Variants in CDKAL1 observed in about 807,000 individuals in gnomAD.
The protein encoded by CDKAL1 is CDKAL1 threonylcarbamoyladenosine tRNA methylthiotransferase.
In CDKAL1, 32 loss-of-function variants were observed where a neutral mutation model predicts 68.2. That is an observed-to-expected ratio of 0.47 (90% CI 0.35 to 0.63). The LOEUF is 0.63. Ranked by LOEUF, CDKAL1 falls within the 30% of genes least tolerant of loss-of-function variation. CDKAL1 has a pLI of 0.00. For missense variants in CDKAL1, 606 were observed against 696.7 expected (o/e 0.87, Z 1.47); for synonymous variants, 234 against 244.3 (o/e 0.96, Z 0.39).
chr6:21,127,850 T>C (rs1775098158), intron 13 of CDKAL1, among the ~76,000 whole-genome samples: 3 of 152,210 alleles, frequency 2.0e-5, no homozygotes, highest in Non-Finnish European at 4.4e-5. Context: ...AAACTGGCTT[T>C]ACTAAATATT....
intron 5 of CDKAL1, among the ~76,000 whole-genome samples, chr6:20,680,179 G>A (rs535834381): frequency 3.3e-5 from 5 of 152,106 alleles, no homozygotes; most frequent in African/African-American, 9.6e-5. Context: ...TGTTTCTTGT[G>A]CCTCAGCCTC....
intron 8 of CDKAL1, among the ~76,000 whole-genome samples, chr6:20,797,019 A>G (rs893077622): frequency 3.9e-5 from 6 of 152,224 alleles, no homozygotes; most frequent in Admixed American, 3.9e-4. Context: ...CTATAAAAGG[A>G]TAAAAGATGG....
intron 13 of CDKAL1, among the ~76,000 whole-genome samples, chr6:21,111,214 T>C (rs534512651): frequency 2.0e-5 from 3 of 152,332 alleles, no homozygotes; most frequent in Admixed American, 2.0e-4. Context: ...CTATATTCAT[T>C]TTAATGTTCA....
chr6:20,941,382 G>C (rs1017959806), intron 9 of CDKAL1, among the ~76,000 whole-genome samples: 2 of 152,090 alleles, frequency 1.3e-5, no homozygotes, highest in African/African-American at 4.8e-5. Flanking sequence ...TTATGTTGGA[G>C]TTCCTTCTTG....
Position 20,894,659 on chromosome 6 carries a change from T to C in CDKAL1, c.742+48481T>C, listed in dbSNP as rs1026489939. Among the ~76,000 whole-genome samples, 4 of 152,182 alleles carry C rather than the reference T, an allele frequency of 2.6e-5. No individual in the cohort carries two copies. The East Asian group carries it at 7.7e-4, about 29-fold the overall frequency. On this transcript the variant is annotated intron_variant, in intron 9 of 15. Coordinates refer to ENST00000274695, the MANE Select transcript of CDKAL1 (RefSeq NM_017774.3). Reference sequence around the variant, plus strand: ...ACAACTGCCCCCATTATAGAGATAATGGTTAATTTCTCCTCTAAGTTATAC... The same window carrying C: ...ACAACTGCCCCCATTATAGAGATAACGGTTAATTTCTCCTCTAAGTTATAC...
intron 4 of CDKAL1, among the ~76,000 whole-genome samples, chr6:20,612,598 A>G (rs1306733014): frequency 6.7e-6 from 1 of 149,016 alleles, no homozygotes; most frequent in Non-Finnish European, 1.5e-5. Context: ...TCTTAATTAG[A>G]TTTTTTTTTT....
intron 13 of CDKAL1, among the ~76,000 whole-genome samples, chr6:21,134,240 C>T (rs1054459848): frequency 4.6e-5 from 7 of 152,076 alleles, no homozygotes; most frequent in Non-Finnish European, 7.4e-5. Flanking sequence ...AGCTCAAATT[C>T]GGTTTTAGAA....
At chr6:21,130,132 C>T (rs1775227111) in intron 13 of CDKAL1, among the ~76,000 whole-genome samples, 1 of 151,202 alleles carries the variant, frequency 6.6e-6, no homozygotes, top group Admixed American at 6.6e-5. Context: ...TTAATGTTTG[C>T]ATTTCACAGA....
At chr6:20,628,204 G>C (rs533037861) in intron 4 of CDKAL1, among the ~76,000 whole-genome samples, 2 of 152,238 alleles carry the variant, frequency 1.3e-5, no homozygotes, top group South Asian at 4.1e-4. Context: ...GTCTTTCAAT[G>C]AGTAAGTCTG....
In CDKAL1 at chr6:21,194,699, T is replaced by C. The variant is rs1394633884; in HGVS notation, c.1300-3322T>C. 2.0e-5 allele frequency among the ~76,000 whole-genome samples: 3 copies of C among 152,152 alleles called. No homozygotes were observed. The East Asian group carries it at 5.8e-4, about 29-fold the overall frequency. ...TGGGAGAGACAGCATCTAGAAAGTG[T>C]AGGGGAAGTGGCTCATTTTAAAAAG... On this transcript the variant is annotated intron_variant, in intron 13 of 15. Transcript: ENST00000274695.
chr6:20,653,140 C>T (rs1043791934), intron 5 of CDKAL1, among the ~76,000 whole-genome samples: 3 of 152,030 alleles, frequency 2.0e-5, no homozygotes, highest in Admixed American at 2.0e-4. Context: ...TTGAATTTTT[C>T]CCAGTGTTTT....
In CDKAL1 at chr6:20,640,967, C is replaced by T. The variant is rs146535481; in HGVS notation, c.287-8326C>T. 4.9e-3 allele frequency among the ~76,000 whole-genome samples: 748 copies of T among 152,168 alleles called. 5 individuals carry two copies. Among genetic ancestry groups the T allele is most frequent in the African/African-American group, 0.017 (699 of 41,520 alleles). On this transcript the variant is annotated intron_variant, in intron 4 of 15. Coordinates refer to ENST00000274695, the MANE Select transcript of CDKAL1 (RefSeq NM_017774.3). ...GGTACTCAATAATGTTAGCTATTAT[C>T]GTTATTACTAATCAGATTTTTATTA... is the stretch of plus-strand genomic sequence containing the variant.
At chr6:20,647,649 A>G (rs1768540107) in intron 4 of CDKAL1, among the ~76,000 whole-genome samples, 1 of 152,212 alleles carries the variant, frequency 6.6e-6, no homozygotes, top group Admixed American at 6.5e-5. Flanking sequence ...GATCAGATTG[A>G]TAGTAGAGGA....
chr6:21,089,977 CT>C (rs1772912357), intron 12 of CDKAL1, among the ~76,000 whole-genome samples: 1 of 148,600 alleles, frequency 6.7e-6, no homozygotes, highest in South Asian at 2.1e-4. Context: ...ATAGCTTACT[CT>C]TGTTTTTTAT....
Position 20,739,647 on chromosome 6 carries a change from T to G in CDKAL1, c.468+32T>G, listed in dbSNP as rs1305623112. ...TTGTACCTGATGCAAAAAGAGAAAA[T>G]CTTACATTGTTAACACCTGTAATAG... is the stretch of plus-strand genomic sequence containing the variant. On this transcript the variant is annotated intron_variant, in intron 6 of 15. Transcript: ENST00000274695. The G allele has an allele frequency of 2.3e-6, 3 of 1,284,902 alleles. No individual in the cohort carries two copies. In the African/African-American group the frequency reaches 4.4e-5, roughly 19 times the overall value. The allele number at this position is 1,284,902 out of a possible 1,614,324, so 79.6% of individuals were successfully genotyped here.
At chr6:20,746,023 G>A (rs2150332783) in intron 6 of CDKAL1, among the ~76,000 whole-genome samples, 1 of 152,246 alleles carries the variant, frequency 6.6e-6, no homozygotes, top group African/African-American at 2.4e-5. Flanking sequence ...GTGTGTGATT[G>A]AGCTTAGCCT....
chr6:20,584,929 G>A (rs1024771550), intron 4 of CDKAL1, among the ~76,000 whole-genome samples: 2 of 152,104 alleles, frequency 1.3e-5, no homozygotes, highest in African/African-American at 4.8e-5. Flanking sequence ...TACTCATCCT[G>A]TCTCCCCCGC....
intron 4 of CDKAL1, among the ~76,000 whole-genome samples, chr6:20,640,230 T>C (rs1435132692): frequency 6.6e-6 from 1 of 152,232 alleles, no homozygotes; most frequent in Admixed American, 6.5e-5. Context: ...TCTCTTTGTT[T>C]TGTTCTTACT....
At chr6:20,600,400 A>AT (rs1766030241) in intron 4 of CDKAL1, among the ~76,000 whole-genome samples, 1 of 152,148 alleles carries the variant, frequency 6.6e-6, no homozygotes, top group African/African-American at 2.4e-5. Flanking sequence ...CACACCTCTT[A>AT]TTTTACCTTT....
Sources: gnomAD v4.1 joint callset for allele counts (sites outside exome capture counted in the v4.1 genomes callset) on GRCh38, gnomAD v4.1.1 for gene constraint, MANE v1.5 for transcripts, NCBI Gene and HGNC (gene_info 2026-07-23, HGNC 2026-07-21) for gene names.